The following MGLL variants were observed in gnomAD, a reference collection of about 807,000 sequenced individuals.
The protein encoded by MGLL is lysophospholipase homolog.
Under a neutral mutation model 29.1 loss-of-function variants are expected in MGLL, and 7 were observed. The observed-to-expected ratio is 0.24, with a 90% CI of 0.14 to 0.45. The LOEUF (loss-of-function observed/expected upper bound fraction) is 0.45, where lower values mean the gene tolerates loss of function less well. Ranked by LOEUF, MGLL falls within the 20% of genes least tolerant of loss-of-function variation. MGLL has a pLI of 0.99. For synonymous variants in MGLL, 148 were observed against 168.3 expected (o/e 0.88, Z 0.93); for missense variants, 356 against 413.6 (o/e 0.86, Z 1.21).
rs1467973505 is a variant in MGLL at position 127,761,147 on chromosome 3, C to T, written c.262+20642G>A. ...CTATGAGCAAGGTGCCACACAGATGCGGAGAGCAGAGGCCCCAGTTGCTGT... is the reference window on the plus strand; with the variant it reads ...CTATGAGCAAGGTGCCACACAGATGTGGAGAGCAGAGGCCCCAGTTGCTGT... On this transcript the variant is annotated intron_variant, in intron 3 of 7. Transcript: ENST00000265052. This position sits in a 1 kb window ranked among gnomAD's most constrained non-coding sequence, Gnocchi z 4.6. Among the ~76,000 whole-genome samples, 3 of 152,232 alleles carry T rather than the reference C, an allele frequency of 2.0e-5. No homozygotes were observed. Among genetic ancestry groups the T allele is most frequent in the Non-Finnish European group, 1.5e-5 (1 of 68,040 alleles).
At chr3:127,766,052 C>T (rs1270664721) in intron 3 of MGLL, among the ~76,000 whole-genome samples, 1 of 152,136 alleles carries the variant, frequency 6.6e-6, no homozygotes, top group Non-Finnish European at 1.5e-5. Context: ...GAAACTGAGG[C>T]TCACCAGTTT....
rs80105967 is a variant in MGLL at position 127,770,633 on chromosome 3, T to C, written c.262+11156A>G. On this transcript the variant is annotated intron_variant, in intron 3 of 7. Transcript: ENST00000265052. ...GGCGTGAGGGCCAGGTGCAGCTGCA[T>C]AGAGGGAGTCCCGTAAATGAACAGT... 5.1e-3 allele frequency among the ~76,000 whole-genome samples: 774 copies of C among 152,200 alleles called. 6 individuals are homozygous for C. The highest frequency in any genetic ancestry group is 0.017 in the Middle Eastern group (5 of 294).
chr3:127,773,164 T>TG (rs1360240885), intron 3 of MGLL, among the ~76,000 whole-genome samples: 1 of 152,226 alleles, frequency 6.6e-6, no homozygotes, highest in African/African-American at 2.4e-5. Flanking sequence ...TGTGAGGTTC[T>TG]GTGCTTGTGA....
chr3:127,782,317 C>A (rs752202529), intron 2 of MGLL, among the ~76,000 whole-genome samples: 10 of 152,182 alleles, frequency 6.6e-5, no homozygotes, highest in Non-Finnish European at 1.3e-4. Flanking sequence ...AGGAGCCACA[C>A]CATGGGCTCC....
chr3:127,756,295 T>A (rs1298107414), intron 3 of MGLL, among the ~76,000 whole-genome samples: 1 of 152,192 alleles, frequency 6.6e-6, no homozygotes, highest in East Asian at 1.9e-4. Flanking sequence ...TTACCTGTTC[T>A]AGGGCTAGCC....
intron 2 of MGLL, among the ~76,000 whole-genome samples, chr3:127,804,879 G>A (rs1375375867): frequency 2.0e-5 from 3 of 152,166 alleles, no homozygotes; most frequent in African/African-American, 7.2e-5. Flanking sequence ...AAGGACAAAG[G>A]ACAAGGCCAC....
chr3:127,798,914 A>G (rs926952308), intron 2 of MGLL, among the ~76,000 whole-genome samples: 1 of 152,168 alleles, frequency 6.6e-6, no homozygotes, highest in African/African-American at 2.4e-5. Flanking sequence ...GCCAAGCTGG[A>G]GAGCACCCGA....
At chr3:127,729,026 G>A (rs147845598) in intron 3 of MGLL, among the ~76,000 whole-genome samples, 3,602 of 152,028 alleles carry the variant, frequency 0.024, 63 homozygotes, top group South Asian at 0.081. Flanking sequence ...TGGGGGTTTC[G>A]CATCTCTTCT....
intron 2 of MGLL, among the ~76,000 whole-genome samples, chr3:127,797,441 G>T (rs9836311): frequency 2.0e-5 from 3 of 152,220 alleles, no homozygotes; most frequent in Admixed American, 6.5e-5. Context: ...GAGCTGGAAG[G>T]CTCCTGAAAA....
chr3:127,816,185 G>A (rs957910909), intron 2 of MGLL, among the ~76,000 whole-genome samples: 2 of 152,214 alleles, frequency 1.3e-5, no homozygotes, highest in Non-Finnish European at 2.9e-5. Context: ...CGCAGGTGGC[G>A]TGAGTTCAGA....
chr3:127,736,226 G>A, intron 3 of MGLL: 1 of 976,402 alleles, frequency 1.0e-6, no homozygotes, highest in Non-Finnish European at 1.2e-6. Context: ...GATTGCATGA[G>A]GAAAAGCAAA....
intron 3 of MGLL, among the ~76,000 whole-genome samples, chr3:127,738,939 C>T (rs139204235): frequency 1.4e-4 from 22 of 152,322 alleles, no homozygotes; most frequent in African/African-American, 4.1e-4. Flanking sequence ...GTGGCTTCCA[C>T]GCAGGATGGG....
At chr3:127,729,857 T>A (rs192920783) in intron 3 of MGLL, among the ~76,000 whole-genome samples, 2 of 152,304 alleles carry the variant, frequency 1.3e-5, no homozygotes, top group Non-Finnish European at 2.9e-5. Flanking sequence ...TCCAAGCGCA[T>A]CACTCCCATG....
At chr3:127,738,576 C>T (rs1189242869) in intron 3 of MGLL, among the ~76,000 whole-genome samples, 1 of 152,160 alleles carries the variant, frequency 6.6e-6, no homozygotes, top group Non-Finnish European at 1.5e-5. Context: ...GGCTGGAGCA[C>T]CCTGCAGCCT....
chr3:127,821,293 G>A (rs889139552), intron 2 of MGLL, among the ~76,000 whole-genome samples: 1 of 152,144 alleles, frequency 6.6e-6, no homozygotes, highest in African/African-American at 2.4e-5. Flanking sequence ...AAACAAGCAG[G>A]AAAAGTGAGC....
chr3:127,726,928 C>T (rs1032028086), intron 3 of MGLL, among the ~76,000 whole-genome samples: 7 of 152,206 alleles, frequency 4.6e-5, no homozygotes, highest in Non-Finnish European at 8.8e-5. Context: ...CTAATATCAT[C>T]TAATATACAA....
rs112081161 is a variant in MGLL, at chr3:127,811,527, T to C, written c.155+10167A>G. On this transcript the variant is annotated intron_variant, in intron 2 of 7. Transcript: ENST00000265052. Reference sequence around the variant, plus strand: ...AATATATTTTCCCCCATGCAACAGATTTCAAAAATGACCACAAAATATTCT... The same window carrying C: ...AATATATTTTCCCCCATGCAACAGACTTCAAAAATGACCACAAAATATTCT... 3.1e-3 allele frequency among the ~76,000 whole-genome samples: 472 copies of C among 152,286 alleles called. 3 individuals are homozygous for C. The highest frequency in any genetic ancestry group is 0.01 in the African/African-American group (435 of 41,558).
At chr3:127,775,370 A>T (rs1044944441) in intron 3 of MGLL, among the ~76,000 whole-genome samples, 1 of 152,236 alleles carries the variant, frequency 6.6e-6, no homozygotes, top group South Asian at 2.1e-4. Context: ...AATAAAATAA[A>T]CCTATGGCAG....
chr3:127,752,446 A>AT lies in MGLL; in HGVS notation c.262+29342dup, dbSNP rs574573902. Among the ~76,000 whole-genome samples the AT allele has an allele frequency of 4.3e-3, 655 of 151,900 alleles. 4 individuals are homozygous for AT. Among genetic ancestry groups the AT allele is most frequent in the African/African-American group, 0.015 (615 of 41,390 alleles). On this transcript the variant is annotated intron_variant, in intron 3 of 7. Coordinates refer to ENST00000265052, the MANE Select transcript of MGLL (RefSeq NM_007283.7). ...TTTTTCTTTCCATAAACAGCACTTT[A>AT]TTTTTTTCCCTTAACAACAGGTCTT... is the stretch of plus-strand genomic sequence containing the variant.
Sources: gnomAD v4.1 joint callset for allele counts (sites outside exome capture counted in the v4.1 genomes callset) on GRCh38, gnomAD v4.1.1 for gene constraint, Gnocchi (gnomAD v3.1) non-coding constraint, MANE v1.5 for transcripts, NCBI Gene and HGNC (gene_info 2026-07-23, HGNC 2026-07-21) for gene names.